Variants in AP3B1 observed in about 807,000 individuals in gnomAD.
AP3B1 encodes the protein adaptor related protein complex 3 subunit beta 1, also known as AP-3 complex subunit beta-1.
Under a neutral mutation model 132.5 loss-of-function variants are expected in AP3B1, and 61 were observed. That is an observed-to-expected ratio of 0.46 (90% CI 0.37 to 0.57). The LOEUF (loss-of-function observed/expected upper bound fraction) is 0.57. AP3B1 is among the 20% of genes least tolerant of loss of function. AP3B1 has a pLI of 0.00. For synonymous variants in AP3B1, 388 were observed against 438.3 expected (o/e 0.89, Z 1.43); for missense variants, 1,120 against 1,289.4 (o/e 0.87, Z 2.01).
chr5:78,221,735 GA>G (rs543596647), intron 6 of AP3B1, among the ~76,000 whole-genome samples: 10 of 149,546 alleles, frequency 6.7e-5, no homozygotes, highest in Admixed American at 3.3e-4. Context: ...CCCTGAAAAA[GA>G]AAAAAAATAA....
At chr5:78,061,758 G>T (rs34435) in intron 22 of AP3B1, among the ~76,000 whole-genome samples, 20,955 of 152,160 alleles carry the variant, frequency 0.14, 1,874 homozygotes, top group Admixed American at 0.25. Context: ...CTTTCACACT[G>T]ACATCCTCTG....
In AP3B1 at chr5:78,148,030, TA is replaced by T. The variant is rs559890931; in HGVS notation, c.1474-6712del. ...CCAGGGTGACAGAGCAAGACTCCAT[TA>T]AAAAAAAAAAGGGAAAGAGAGAGAA... On this transcript the variant is annotated intron_variant, in intron 14 of 26. Coordinates refer to ENST00000255194, the MANE Select transcript of AP3B1 (RefSeq NM_003664.5). 1.1e-3 allele frequency among the ~76,000 whole-genome samples: 159 copies of T among 143,740 alleles called. 1 individual carries two copies. Among genetic ancestry groups the T allele is most frequent in the East Asian group, 3.8e-3 (19 of 4,970 alleles). 94.3% of individuals were successfully genotyped at this position (143,740 alleles called of 152,430 possible). A position where few individuals can be genotyped will look rare whatever the true frequency, so the allele number is the denominator to read the frequency against.
chr5:78,120,866 C>T (rs1322057477), intron 17 of AP3B1, among the ~76,000 whole-genome samples: 1 of 152,190 alleles, frequency 6.6e-6, no homozygotes, highest in Non-Finnish European at 1.5e-5. Context: ...ACAGAACTCT[C>T]CACCCCAAAT....
intron 26 of AP3B1, among the ~76,000 whole-genome samples, chr5:78,004,572 T>C (rs1746315898): frequency 6.6e-6 from 1 of 152,218 alleles, no homozygotes; most frequent in South Asian, 2.1e-4. Context: ...AATCATGAAC[T>C]AGGTTGTCCA....
At position 78,207,070 on chromosome 5, in the gene AP3B1, CA is replaced by C. The variant is rs1333665270; in HGVS notation, c.786+8984del. ...GTCAGGAGTTCGAAACCAACCTGGCCAACATGGTGAAACCCCGTCTCTACCA... is the reference window on the plus strand; with the variant it reads ...GTCAGGAGTTCGAAACCAACCTGGCCACATGGTGAAACCCCGTCTCTACCA... On this transcript the variant is annotated intron_variant, in intron 7 of 26. Transcript: ENST00000255194. Among the ~76,000 whole-genome samples the C allele has an allele frequency of 7.9e-5, 12 of 151,924 alleles. 1 individual carries two copies. The highest frequency in any genetic ancestry group is 3.2e-3 in the Middle Eastern group (1 of 316).
intron 19 of AP3B1, 89 bp downstream of exon 19, chr5:78,113,663 C>A: frequency 3.5e-6 from 5 of 1,445,936 alleles, no homozygotes; most frequent in Non-Finnish European, 4.8e-6. Flanking sequence ...TTTTTTCTCT[C>A]ACCATTTTTT....
intron 7 of AP3B1, among the ~76,000 whole-genome samples, chr5:78,189,661 C>T (rs1216040310): frequency 6.6e-6 from 1 of 151,804 alleles, no homozygotes; most frequent in Non-Finnish European, 1.5e-5. Context: ...CCTGAGGTCA[C>T]GAGTTCAAGA....
At chr5:78,211,087 AG>A in intron 7 of AP3B1, among the ~76,000 whole-genome samples, 1 of 152,294 alleles carries the variant, frequency 6.6e-6, no homozygotes, top group East Asian at 1.9e-4. Flanking sequence ...TTAACCTAAA[AG>A]GTTTAATTTC....
intron 3 of AP3B1, among the ~76,000 whole-genome samples, chr5:78,239,466 G>GT (rs1747022559): frequency 7.8e-6 from 1 of 128,306 alleles, no homozygotes; most frequent in Non-Finnish European, 1.6e-5. Context: ...GAGGAACCCT[G>GT]TCTCAGAAAA....
At chr5:78,252,612 G>A (rs1480402270) in intron 2 of AP3B1, among the ~76,000 whole-genome samples, 1 of 152,202 alleles carries the variant, frequency 6.6e-6, no homozygotes, top group Non-Finnish European at 1.5e-5. Flanking sequence ...GGTGGTGGTG[G>A]CTACAGGTTG....
intron 21 of AP3B1, among the ~76,000 whole-genome samples, chr5:78,097,754 G>C (rs62362918): frequency 3.3e-5 from 5 of 151,996 alleles, no homozygotes; most frequent in Non-Finnish European, 7.4e-5. Flanking sequence ...CCCTCTGCCC[G>C]GCCACCACCC....
chr5:78,215,088 T>C (rs1335329977), intron 7 of AP3B1, among the ~76,000 whole-genome samples: 4 of 152,130 alleles, frequency 2.6e-5, no homozygotes, highest in African/African-American at 9.7e-5. Flanking sequence ...GCATGTATCA[T>C]ACATTTTTCC....
At chr5:78,023,647 A>C (rs1368604344) in intron 24 of AP3B1, among the ~76,000 whole-genome samples, 1 of 152,202 alleles carries the variant, frequency 6.6e-6, no homozygotes, top group African/African-American at 2.4e-5. Context: ...GTATTTAAGT[A>C]AAAACAGAAG....
chr5:78,269,395 G>A (rs933011058), intron 1 of AP3B1, among the ~76,000 whole-genome samples: 2 of 152,136 alleles, frequency 1.3e-5, no homozygotes, highest in Non-Finnish European at 2.9e-5. Flanking sequence ...TCAAAGGACA[G>A]AGAAGAATAT....
At chr5:78,225,840 A>C (rs1746378372) in intron 5 of AP3B1, among the ~76,000 whole-genome samples, 1 of 152,014 alleles carries the variant, frequency 6.6e-6, no homozygotes, top group African/African-American at 2.4e-5. Flanking sequence ...GGTTTAGTTA[A>C]GATAGTACTG....
chr5:78,285,271 C>T (rs569602435), intron 1 of AP3B1, among the ~76,000 whole-genome samples: 1 of 151,866 alleles, frequency 6.6e-6, no homozygotes, highest in East Asian at 1.9e-4. Context: ...AAATACTAAC[C>T]ACAATTCTTC....
chr5:78,046,342 A>G (rs770822458), intron 22 of AP3B1, among the ~76,000 whole-genome samples: 10 of 152,196 alleles, frequency 6.6e-5, no homozygotes, highest in Non-Finnish European at 1.3e-4. Flanking sequence ...TCTAGGCAGC[A>G]CGCCCCTTAT....
At position 78,154,322 on chromosome 5, in the gene AP3B1, G is replaced by C. The variant is rs1313345344; in HGVS notation, c.1473+1936C>G. Among the ~76,000 whole-genome samples, 3 of 152,212 alleles carry C rather than the reference G, an allele frequency of 2.0e-5. No individual in the cohort carries two copies. In the East Asian group the frequency reaches 5.8e-4, roughly 29 times the overall value. On this transcript the variant is annotated intron_variant, in intron 14 of 26. Transcript: ENST00000255194. Reference sequence around the variant, plus strand: ...TTCCACTGAAAAGTCTGCTGCCACAGGTATCAGACTTCAATTGCATGTTGT... The same window carrying C: ...TTCCACTGAAAAGTCTGCTGCCACACGTATCAGACTTCAATTGCATGTTGT...
At chr5:78,028,419 G>A (rs570844450) in intron 24 of AP3B1, among the ~76,000 whole-genome samples, 55 of 150,922 alleles carry the variant, frequency 3.6e-4, no homozygotes, top group Middle Eastern at 3.4e-3. Flanking sequence ...AGCTGAGAGC[G>A]CCTGGGCAAC....
Sources: allele counts gnomAD v4.1 joint callset (sites outside exome capture counted in the v4.1 genomes callset), GRCh38; gene constraint gnomAD v4.1.1; transcripts MANE v1.5; gene names NCBI Gene and HGNC (gene_info 2026-07-23, HGNC 2026-07-21).